The following CDK17 variants were observed in gnomAD, a reference collection of about 807,000 sequenced individuals.
The protein encoded by CDK17 is cyclin-dependent kinase 17.
In CDK17, 24 loss-of-function variants were observed where a neutral mutation model predicts 77.6. The observed-to-expected ratio is 0.31, with a 90% confidence interval of 0.22 to 0.44. CDK17 has a LOEUF of 0.44. Ranked by LOEUF, CDK17 falls within the 20% of genes least tolerant of loss-of-function variation. The pLI, the probability that CDK17 is intolerant of heterozygous loss-of-function variation, is 1.00. For synonymous variants in CDK17, 203 were observed against 210.4 expected, an observed-to-expected ratio of 0.96 and a Z score of 0.30; for missense variants, 429 against 622.5, an observed-to-expected ratio of 0.69 and a Z score of 3.31.
At chr12:96,395,989 T>C (rs565368037) in intron 1 of CDK17, among the ~76,000 whole-genome samples, 53 of 152,268 alleles carry the variant, frequency 3.5e-4, no homozygotes, top group African/African-American at 1.3e-3. Flanking sequence ...CCAAGTAAAA[T>C]AAGGTGATAT....
intron 2 of CDK17, among the ~76,000 whole-genome samples, chr12:96,332,241 T>C (rs1199876626): frequency 1.3e-5 from 2 of 152,200 alleles, no homozygotes; most frequent in Non-Finnish European, 2.9e-5. Flanking sequence ...ACTCTGATGT[T>C]TGCACAATGA....
At chr12:96,282,261 A>G in intron 15 of CDK17, 1 of 350,676 alleles carries the variant, frequency 2.9e-6, no homozygotes, top group Non-Finnish European at 5.1e-6. Flanking sequence ...AAGTCCAATA[A>G]GATTAATGAT....
At chr12:96,282,890 G>A (rs1162885220) in intron 14 of CDK17, among the ~76,000 whole-genome samples, 1 of 152,124 alleles carries the variant, frequency 6.6e-6, no homozygotes, top group Admixed American at 6.6e-5. Context: ...TATTTGACCT[G>A]TGTAGTTACT....
chr12:96,332,303 T>C (rs1738531628), intron 2 of CDK17, among the ~76,000 whole-genome samples: 1 of 152,218 alleles, frequency 6.6e-6, no homozygotes, highest in South Asian at 2.1e-4. Context: ...TGTTAAGCAA[T>C]GCATGACTGT....
At chr12:96,307,370 G>C (rs530275973) in intron 5 of CDK17, among the ~76,000 whole-genome samples, 183 of 152,138 alleles carry the variant, frequency 1.2e-3, no homozygotes, top group Non-Finnish European at 2.3e-3. Flanking sequence ...ATTCATTAGA[G>C]GGCACTGTTT....
intron 1 of CDK17, among the ~76,000 whole-genome samples, chr12:96,372,593 G>C (rs1364677782): frequency 6.6e-6 from 1 of 151,850 alleles, no homozygotes; most frequent in Non-Finnish European, 1.5e-5. Context: ...CCAAATTGTA[G>C]ATTTTCACCA....
intron 9 of CDK17, chr12:96,295,341 A>C (rs1335961706): frequency 3.0e-6 from 1 of 328,014 alleles, no homozygotes; most frequent in African/African-American, 2.1e-5. Flanking sequence ...TATTTCTTTT[A>C]GTCTAACAGT....
rs1161717193 is a variant in CDK17, at chr12:96,316,659, G to A, written c.284-3205C>T. On this transcript the variant is annotated intron_variant, in intron 3 of 16. Coordinates refer to ENST00000261211, the MANE Select transcript of CDK17 (RefSeq NM_002595.5). ...GTGGGTCCCTGACCCCCTGACCCCC[G>A]AGCAGCCTAACTGTGAGGCACCCCC... 5.4e-5 allele frequency among the ~76,000 whole-genome samples: 7 copies of A among 129,992 alleles called. 1 individual carries two copies. Among genetic ancestry groups the A allele is most frequent in the East Asian group, 7.2e-4 (2 of 2,760 alleles). The allele number at this position is 129,992 out of a possible 152,430, so 85.3% of individuals were successfully genotyped here.
At chr12:96,343,299 T>C (rs1365005644) in intron 1 of CDK17, among the ~76,000 whole-genome samples, 1 of 152,228 alleles carries the variant, frequency 6.6e-6, no homozygotes, top group African/African-American at 2.4e-5. Flanking sequence ...TTGACTCACA[T>C]GGGCAAACCA....
chr12:96,359,354 A>G (rs1372085870), intron 1 of CDK17, among the ~76,000 whole-genome samples: 2 of 152,236 alleles, frequency 1.3e-5, no homozygotes, highest in African/African-American at 4.8e-5. Context: ...CTAGGTTATA[A>G]TAACAAAGAT....
chr12:96,367,969 C>T (rs1953615496), intron 1 of CDK17, among the ~76,000 whole-genome samples: 1 of 151,870 alleles, frequency 6.6e-6, no homozygotes, highest in Non-Finnish European at 1.5e-5. Context: ...TCAAAAAACA[C>T]TGGTCTGCCA....
chr12:96,279,011 A>T lies in CDK17; in HGVS notation c.*1231T>A, dbSNP rs554150557. 6.5e-6 allele frequency: 1 copy of T among 152,706 alleles called. No individual in the cohort carries two copies. The highest frequency in any genetic ancestry group is 2.4e-5 in the African/African-American group (1 of 41,570). 9.5% of individuals were successfully genotyped at this position (152,706 alleles called of 1,614,324 possible). ...CTATTTTCATGATATATAAGGCAAAAATTTACACGACCATTTCAAAATATA... is the reference window on the plus strand; with the variant it reads ...CTATTTTCATGATATATAAGGCAAATATTTACACGACCATTTCAAAATATA... On this transcript the variant is annotated 3_prime_UTR_variant, in exon 17 of 17. Transcript: ENST00000261211.
chr12:96,317,909 C>T (rs1184811551), intron 3 of CDK17, among the ~76,000 whole-genome samples: 1 of 148,682 alleles, frequency 6.7e-6, no homozygotes, highest in East Asian at 2.0e-4. Flanking sequence ...AAAATCACCA[C>T]CTAACATCAT....
chr12:96,281,515 C>T (rs369145016), intron 15 of CDK17, among the ~76,000 whole-genome samples: 8 of 152,150 alleles, frequency 5.3e-5, no homozygotes, highest in African/African-American at 9.7e-5. Context: ...ATTACAGGTA[C>T]GCGCCACCAC....
At position 96,280,651 on chromosome 12, in the gene CDK17, A is replaced by G. The variant is rs1005496083; in HGVS notation, c.1534+157T>C. The G allele has an allele frequency of 4.2e-6, 6 of 1,430,152 alleles. No individual in the cohort carries two copies. In the Admixed American group the frequency reaches 1.4e-4, roughly 34 times the overall value. 88.6% of individuals were successfully genotyped at this position (1,430,152 alleles called of 1,614,324 possible). ...TTACTGAGCTGCCCACATCATACAG[A>G]AAAGTGAGTACGTGCAATGCTAAAC... On this transcript the variant is annotated intron_variant, in intron 16 of 16. Coordinates refer to ENST00000261211, the MANE Select transcript of CDK17 (RefSeq NM_002595.5).
chr12:96,285,036 G>C (rs1027701004), intron 13 of CDK17, among the ~76,000 whole-genome samples: 1 of 152,122 alleles, frequency 6.6e-6, no homozygotes, highest in Non-Finnish European at 1.5e-5. Flanking sequence ...TGCCATTCTA[G>C]CACATATCCA....
chr12:96,301,836 A>G, intron 5 of CDK17, among the ~76,000 whole-genome samples: 1 of 152,152 alleles, frequency 6.6e-6, no homozygotes, highest in East Asian at 1.9e-4. Flanking sequence ...AGACAATAGG[A>G]TAAATTATCC....
chr12:96,400,339 C>T lies in CDK17; in HGVS notation c.-383G>A. ...CTGTCTGGCCGGGCGCTGGCTCCTT[C>T]TCCGCGGCTCTGCGGCGGCCCGCGG... On this transcript the variant is annotated 5_prime_UTR_variant, in exon 1 of 17. Transcript: ENST00000261211. The T allele has an allele frequency of 5.2e-6, 2 of 387,412 alleles. No homozygotes were observed. The highest frequency in any genetic ancestry group is 9.1e-6 in the Non-Finnish European group (2 of 219,022). The allele number at this position is 387,412 out of a possible 1,614,324, so 24.0% of individuals were successfully genotyped here.
In CDK17 at chr12:96,311,075, G is replaced by T; in HGVS notation, c.520C>A (p.Arg174=). 6.2e-7 allele frequency: 1 copy of T among 1,601,004 alleles called. No homozygotes were observed. The highest frequency in any genetic ancestry group is 8.5e-7 in the Non-Finnish European group (1 of 1,176,338). ...ACTAAGGAAGCTCTACGAGACCTTC[G>T]ACTCATTGGTTGGTCAAATGGTGGA... ...NSPPFDQPMS[R]RSRRASLSEI... The change falls in exon 5 of 17, where the codon CGA becomes AGA. Residue 174 remains arginine (R), a synonymous_variant. Coordinates refer to ENST00000261211, the MANE Select transcript of CDK17 (RefSeq NM_002595.5).
Sources: gnomAD v4.1 joint callset for allele counts (sites outside exome capture counted in the v4.1 genomes callset) on GRCh38, gnomAD v4.1.1 for gene constraint, MANE v1.5 for transcripts, NCBI Gene and HGNC (gene_info 2026-07-23, HGNC 2026-07-21) for gene names.